PDGFC: variants seen among roughly 807,000 people sequenced by gnomAD.
PDGFC encodes the protein platelet-derived growth factor C.
Under a neutral mutation model 35.5 loss-of-function variants are expected in PDGFC, and 12 were observed. The ratio of observed to expected loss-of-function variants is 0.34; its 90% confidence interval spans 0.22 to 0.55. PDGFC has a LOEUF of 0.55. Among genes scored for constraint, PDGFC ranks in the 20% least tolerant of loss-of-function variants. PDGFC has a pLI of 0.91. For missense variants in PDGFC, 322 were observed against 412.4 expected, an observed-to-expected ratio of 0.78 and a Z score of 1.90; for synonymous variants, 159 against 148.8, an observed-to-expected ratio of 1.07 and a Z score of -0.50.
chr4:156,765,778 T>C (rs1224404973), intron 5 of PDGFC, among the ~76,000 whole-genome samples: 1 of 152,206 alleles, frequency 6.6e-6, no homozygotes, highest in Non-Finnish European at 1.5e-5. Flanking sequence ...GCAAAATTCA[T>C]TAAATCTTTA....
intron 3 of PDGFC, among the ~76,000 whole-genome samples, chr4:156,787,265 G>C (rs1731153938): frequency 6.6e-6 from 1 of 152,128 alleles, no homozygotes. Flanking sequence ...AAAACAGGGA[G>C]AGAGTGCTGA....
intron 1 of PDGFC, among the ~76,000 whole-genome samples, chr4:156,928,970 A>G (rs1044770427): frequency 1.3e-5 from 2 of 152,218 alleles, no homozygotes; most frequent in Non-Finnish European, 2.9e-5. Flanking sequence ...CACAACGGTC[A>G]AAGAAATGAT....
intron 1 of PDGFC, among the ~76,000 whole-genome samples, chr4:156,968,514 G>T (rs966945637): frequency 6.6e-6 from 1 of 152,158 alleles, no homozygotes; most frequent in Non-Finnish European, 1.5e-5. Flanking sequence ...ACAAAAAGAA[G>T]AAGAAGTAGA....
At chr4:156,830,569 G>A (rs1728902831) in intron 2 of PDGFC, among the ~76,000 whole-genome samples, 1 of 152,080 alleles carries the variant, frequency 6.6e-6, no homozygotes, top group Non-Finnish European at 1.5e-5. Flanking sequence ...TTCACCAGAT[G>A]GCAAATATGA....
chr4:156,912,727 T>TAC (rs1731067750), intron 1 of PDGFC, among the ~76,000 whole-genome samples: 1 of 151,936 alleles, frequency 6.6e-6, no homozygotes, highest in African/African-American at 2.4e-5. Context: ...ACACAAGAAA[T>TAC]ATGTAAGTAT....
At chr4:156,893,901 T>C (rs1467387610) in intron 1 of PDGFC, among the ~76,000 whole-genome samples, 1 of 152,190 alleles carries the variant, frequency 6.6e-6, no homozygotes, top group Non-Finnish European at 1.5e-5. Flanking sequence ...AAAGGTTACA[T>C]AATTTTTTTC....
intron 3 of PDGFC, among the ~76,000 whole-genome samples, chr4:156,803,825 T>G (rs1280552531): frequency 6.6e-6 from 1 of 152,162 alleles, no homozygotes; most frequent in Non-Finnish European, 1.5e-5. Context: ...TATCTAACAT[T>G]GTAGAATGAA....
At chr4:156,821,255 G>T (rs773812067) in intron 2 of PDGFC, among the ~76,000 whole-genome samples, 1 of 151,698 alleles carries the variant, frequency 6.6e-6, no homozygotes, top group East Asian at 1.9e-4. Flanking sequence ...TTTTGAAACC[G>T]TCTCACTCTG....
At position 156,971,644 on chromosome 4, in the gene PDGFC, G is replaced by A. The variant is rs1247298797; in HGVS notation, c.-741C>T. Among the ~76,000 whole-genome samples, 1 of 151,866 alleles carries A rather than the reference G, an allele frequency of 6.6e-6. No homozygotes were observed. Among genetic ancestry groups the A allele is most frequent in the Non-Finnish European group, 1.5e-5 (1 of 67,932 alleles). On this transcript the variant is annotated 5_prime_UTR_variant, in exon 1 of 6. Transcript: ENST00000502773. ...CTGGCTTGAGTTTTCCGCGACCAAA[G>A]TTCACCTTGTTCGGGCTCGTCCCCC...
chr4:156,763,311 G>T, intron 5 of PDGFC, 105 bp from the exon 6 acceptor site: 2 of 466,434 alleles, frequency 4.3e-6, no homozygotes, highest in East Asian at 3.6e-5. Context: ...GCCCAAGAAA[G>T]ACACATATTT....
intron 1 of PDGFC, among the ~76,000 whole-genome samples, chr4:156,951,060 C>G (rs1048301593): frequency 1.3e-5 from 2 of 151,866 alleles, no homozygotes; most frequent in Non-Finnish European, 2.9e-5. Context: ...GAGGTAGATG[C>G]TTCTTACACC....
At position 156,796,491 on chromosome 4, in the gene PDGFC, ATTT is replaced by A. The variant is rs35891804; in HGVS notation, c.495+14343_495+14345del. On this transcript the variant is annotated intron_variant, in intron 3 of 5. Coordinates refer to ENST00000502773, the MANE Select transcript of PDGFC (RefSeq NM_016205.3). ...CGGACAGTATACAGGACCACTTTGT[ATTT>A]TTTTTTTTTTTTTTTTTTTTTTACA... Among the ~76,000 whole-genome samples the A allele has an allele frequency of 4.4e-3, 446 of 101,584 alleles. 2 individuals carry two copies. Among genetic ancestry groups the A allele is most frequent in the African/African-American group, 0.014 (412 of 29,228 alleles). The allele number at this position is 101,584 out of a possible 152,430, so 66.6% of individuals were successfully genotyped here. A position where few individuals can be genotyped will look rare whatever the true frequency, so the allele number is the denominator to read the frequency against.
intron 3 of PDGFC, among the ~76,000 whole-genome samples, chr4:156,798,085 G>C (rs924055759): frequency 1.3e-5 from 2 of 152,074 alleles, no homozygotes; most frequent in Non-Finnish European, 2.9e-5. Context: ...CCGGCTACTC[G>C]GGAGGCTGAG....
At chr4:156,898,788 G>A (rs1730695101) in intron 1 of PDGFC, among the ~76,000 whole-genome samples, 1 of 152,106 alleles carries the variant, frequency 6.6e-6, no homozygotes. Context: ...CCCCAGAGTA[G>A]CTAGGACTAC....
intron 1 of PDGFC, among the ~76,000 whole-genome samples, chr4:156,928,922 C>T (rs551995055): frequency 5.8e-4 from 88 of 152,194 alleles, no homozygotes; most frequent in African/African-American, 1.9e-3. Context: ...TAACAATACA[C>T]GATTGTACTT....
intron 3 of PDGFC, among the ~76,000 whole-genome samples, chr4:156,791,205 A>AT (rs776322726): frequency 1.3e-5 from 2 of 152,186 alleles, no homozygotes; most frequent in Non-Finnish European, 2.9e-5. Context: ...TCTATCATCC[A>AT]TTCATTCACT....
chr4:156,895,454 A>G (rs145619373), intron 1 of PDGFC, among the ~76,000 whole-genome samples: 2 of 152,056 alleles, frequency 1.3e-5, no homozygotes, highest in East Asian at 3.9e-4. Context: ...CCAACATGGT[A>G]AACCCCATCT....
chr4:156,943,315 C>T (rs1731859306), intron 1 of PDGFC, among the ~76,000 whole-genome samples: 2 of 152,090 alleles, frequency 1.3e-5, no homozygotes, highest in Admixed American at 6.6e-5. Context: ...ATATTATTCG[C>T]TCTAAATTCC....
chr4:156,943,622 G>A (rs1042742795), intron 1 of PDGFC, among the ~76,000 whole-genome samples: 14 of 151,080 alleles, frequency 9.3e-5, no homozygotes, highest in Admixed American at 2.0e-4. Context: ...TTTTTCACTC[G>A]ACCCAATTTG....
Sources: allele counts gnomAD v4.1 joint callset (sites outside exome capture counted in the v4.1 genomes callset), GRCh38; gene constraint gnomAD v4.1.1; transcripts MANE v1.5; gene names NCBI Gene and HGNC (gene_info 2026-07-23, HGNC 2026-07-21).